The following TRABD2B variants were observed in gnomAD, a reference collection of about 807,000 sequenced individuals.
The protein encoded by TRABD2B is metalloprotease TIKI2.
A neutral mutation model predicts 40.1 loss-of-function variants in TRABD2B; 14 were observed. That is an observed-to-expected ratio of 0.35 (90% CI 0.23 to 0.55). The LOEUF (loss-of-function observed/expected upper bound fraction) is 0.55. Among genes scored for constraint, TRABD2B ranks in the 20% least tolerant of loss-of-function variants. The probability of loss-of-function intolerance (pLI) is 0.90; values close to 1 mark genes in which losing one functional copy is unlikely to be tolerated. For missense variants in TRABD2B, 541 were observed against 648.6 expected, an observed-to-expected ratio of 0.83 and a Z score of 1.80; for synonymous variants, 263 against 277.0, an observed-to-expected ratio of 0.95 and a Z score of 0.50.
At chr1:47,902,110 C>T (rs753361172) in intron 2 of TRABD2B, among the ~76,000 whole-genome samples, 26 of 152,298 alleles carry the variant, frequency 1.7e-4, no homozygotes, top group Non-Finnish European at 3.4e-4. Context: ...TTGACCAAGC[C>T]TCCCACAAGG....
intron 2 of TRABD2B, among the ~76,000 whole-genome samples, chr1:47,983,186 C>T (rs1043264403): frequency 2.6e-5 from 4 of 152,130 alleles, no homozygotes; most frequent in Admixed American, 6.5e-5. Context: ...TGTGGGAACA[C>T]GGATGGAGCT....
chr1:47,979,307 G>A (rs1444681424), intron 2 of TRABD2B, among the ~76,000 whole-genome samples: 17 of 152,184 alleles, frequency 1.1e-4, no homozygotes, highest in Admixed American at 1.1e-3. Context: ...CAGGTGTCAG[G>A]GAAACCCAGA....
At chr1:47,793,846 C>T (rs1644708616) in intron 4 of TRABD2B, among the ~76,000 whole-genome samples, 1 of 152,074 alleles carries the variant, frequency 6.6e-6, no homozygotes, top group Non-Finnish European at 1.5e-5. Flanking sequence ...GAGAGAAATG[C>T]TAAGTGAGCC....
chr1:47,920,210 G>T (rs1644883660), intron 2 of TRABD2B, among the ~76,000 whole-genome samples: 1 of 152,198 alleles, frequency 6.6e-6, no homozygotes, highest in Admixed American at 6.5e-5. Context: ...AGAGGCAGGT[G>T]TTATAATTAT....
chr1:47,773,218 G>A (rs1644399554), intron 6 of TRABD2B, among the ~76,000 whole-genome samples: 1 of 152,220 alleles, frequency 6.6e-6, no homozygotes, highest in Non-Finnish European at 1.5e-5. Context: ...TGGGTTGCCA[G>A]CTCCTTCACT....
intron 2 of TRABD2B, among the ~76,000 whole-genome samples, chr1:47,970,828 C>A (rs1425234262): frequency 6.6e-6 from 1 of 152,102 alleles, no homozygotes; most frequent in Non-Finnish European, 1.5e-5. Context: ...ATGGCAGAGG[C>A]ACGAGAGGAT....
At chr1:47,963,485 A>G (rs1645552506) in intron 2 of TRABD2B, among the ~76,000 whole-genome samples, 1 of 152,254 alleles carries the variant, frequency 6.6e-6, no homozygotes, top group Non-Finnish European at 1.5e-5. Flanking sequence ...AAGCCAGGAC[A>G]TAAAGAAACA....
intron 2 of TRABD2B, among the ~76,000 whole-genome samples, chr1:47,978,287 C>T (rs1319902029): frequency 6.6e-6 from 1 of 152,188 alleles, no homozygotes; most frequent in African/African-American, 2.4e-5. Flanking sequence ...CTACTAGTGT[C>T]TTGATCTTGG....
At chr1:47,898,580 G>A (rs187815366) in intron 2 of TRABD2B, among the ~76,000 whole-genome samples, 8 of 152,256 alleles carry the variant, frequency 5.3e-5, no homozygotes, top group Admixed American at 4.6e-4. Context: ...ATGGTCATAC[G>A]AGCTCTAACT....
At chr1:47,784,790 G>A (rs556144066) in intron 4 of TRABD2B, among the ~76,000 whole-genome samples, 4 of 152,314 alleles carry the variant, frequency 2.6e-5, no homozygotes, top group South Asian at 2.1e-4. Flanking sequence ...TTTGCAGGCC[G>A]CCCAGGGAAG....
At chr1:47,832,674 T>C in intron 2 of TRABD2B, among the ~76,000 whole-genome samples, 1 of 152,202 alleles carries the variant, frequency 6.6e-6, no homozygotes, top group East Asian at 1.9e-4. Context: ...GGGACTAACA[T>C]TACTTGAGCA....
intron 2 of TRABD2B, among the ~76,000 whole-genome samples, chr1:47,826,224 G>T (rs1360289169): frequency 6.6e-6 from 1 of 152,140 alleles, no homozygotes. Flanking sequence ...GTGGTCAAAG[G>T]AGAAATACCT....
In TRABD2B at chr1:47,994,850, T is replaced by C. The variant is rs1646067545; in HGVS notation, c.103-253A>G. ...AGTTTCCTCATCTGTAAAATGGGGG[T>C]GAAAGCAACTACCTCGGGTTGTTGG... On this transcript the variant is annotated intron_variant, in intron 1 of 6. Transcript: ENST00000606738. The surrounding 1 kb of genome is among the most constrained non-coding windows in gnomAD (Gnocchi z 6.7). Among the ~76,000 whole-genome samples, 1 of 151,948 alleles carries C rather than the reference T, an allele frequency of 6.6e-6. No individual in the cohort carries two copies. The highest frequency in any genetic ancestry group is 6.6e-5 in the Admixed American group (1 of 15,226).
chr1:47,866,541 C>T (rs1482574297), intron 2 of TRABD2B, among the ~76,000 whole-genome samples: 2 of 152,148 alleles, frequency 1.3e-5, no homozygotes, highest in African/African-American at 4.8e-5. Context: ...GCTTCTGAAC[C>T]ACTGAGTGCC....
At chr1:47,800,249 A>G (rs1644804335) in intron 3 of TRABD2B, among the ~76,000 whole-genome samples, 1 of 152,210 alleles carries the variant, frequency 6.6e-6, no homozygotes, top group Non-Finnish European at 1.5e-5. Flanking sequence ...AAAAAAGTGG[A>G]GCATAATAAA....
At position 47,963,761 on chromosome 1, in the gene TRABD2B, G is replaced by A. The variant is rs147350398; in HGVS notation, c.666+30273C>T. ...AAGACTGACACCTCCCCTGGCAACC[G>A]TCCTATGAAGTTTCAAACACACTTA... is the stretch of plus-strand genomic sequence containing the variant. On this transcript the variant is annotated intron_variant, in intron 2 of 6. Transcript: ENST00000606738. Among the ~76,000 whole-genome samples, 170 of 152,264 alleles carry A rather than the reference G, an allele frequency of 1.1e-3. 2 individuals are homozygous for A. Among genetic ancestry groups the A allele is most frequent in the African/African-American group, 3.6e-3 (148 of 41,550 alleles).
chr1:47,771,783 C>T (rs1223687252), intron 6 of TRABD2B, among the ~76,000 whole-genome samples: 1 of 152,186 alleles, frequency 6.6e-6, no homozygotes, highest in Non-Finnish European at 1.5e-5. Flanking sequence ...TCCATGGGTC[C>T]CCATAAATCA....
chr1:47,887,210 C>T (rs1644382508), intron 2 of TRABD2B, among the ~76,000 whole-genome samples: 1 of 152,150 alleles, frequency 6.6e-6, no homozygotes, highest in Admixed American at 6.5e-5. Context: ...GCAGAAGTTC[C>T]TATTACTGCT....
At chr1:47,922,205 C>T (rs1276418864) in intron 2 of TRABD2B, among the ~76,000 whole-genome samples, 3 of 152,206 alleles carry the variant, frequency 2.0e-5, no homozygotes, top group Non-Finnish European at 4.4e-5. Flanking sequence ...GAGGGATCCA[C>T]GCTGTGGCTA....
Sources: allele counts gnomAD v4.1 joint callset (sites outside exome capture counted in the v4.1 genomes callset), GRCh38; gene constraint gnomAD v4.1.1; non-coding constraint Gnocchi (gnomAD v3.1); transcripts MANE v1.5; gene names NCBI Gene and HGNC (gene_info 2026-07-23, HGNC 2026-07-21).